UPK1B: variants seen among roughly 807,000 people sequenced by gnomAD.
The protein encoded by UPK1B is uroplakin 1B, also known as uroplakin-1b.
UPK1B carries 28 observed loss-of-function variants against 34.2 expected under a neutral mutation model. That is an observed-to-expected ratio of 0.82 (90% CI 0.61 to 1.12). The LOEUF (loss-of-function observed/expected upper bound fraction) is 1.12. Among genes scored for constraint, UPK1B ranks in the 50% most tolerant of loss-of-function variants. The pLI, the probability that UPK1B is intolerant of heterozygous loss-of-function variation, is 0.00. For synonymous variants in UPK1B, 81 were observed against 110.4 expected (o/e 0.73, Z 1.67); for missense variants, 325 against 320.9 (o/e 1.01, Z -0.10).
Position 119,190,323 on chromosome 3 carries a change from AGTACAACC to A in UPK1B, c.345+5_345+12del. The A allele has an allele frequency of 6.2e-7, 1 of 1,608,654 alleles. No individual in the cohort carries two copies. The highest frequency in any genetic ancestry group is 8.5e-7 in the Non-Finnish European group (1 of 1,175,788). On this transcript the variant is annotated splice_donor_5th_base_variant and intron_variant, in intron 4 of 7. Transcript: ENST00000264234. ...AGCAGCAACACAACAAGACTTTGTG[AGTACAACC>A]TCAAAAAGCAAAATAATATGAATTA...
At position 119,204,546 on chromosome 3, in the gene UPK1B, C is replaced by T. The variant is rs778589895; in HGVS notation, c.*579C>T. 6.5e-6 allele frequency: 1 copy of T among 152,750 alleles called. No individual in the cohort carries two copies. The highest frequency in any genetic ancestry group is 2.4e-5 in the African/African-American group (1 of 41,410). The allele number at this position is 152,750 out of a possible 1,614,324, so 9.5% of individuals were successfully genotyped here. A position where few individuals can be genotyped will look rare whatever the true frequency, so the allele number is the denominator to read the frequency against. ...CAGTGGTTCAAATTTCCTTTCATACCTTGAAGTATGTGTTTAGTAGCCTCA... is the reference window on the plus strand; with the variant it reads ...CAGTGGTTCAAATTTCCTTTCATACTTTGAAGTATGTGTTTAGTAGCCTCA... On this transcript the variant is annotated 3_prime_UTR_variant, in exon 8 of 8. Coordinates refer to ENST00000264234, the MANE Select transcript of UPK1B (RefSeq NM_006952.4).
chr3:119,189,421 G>A (rs898605537), intron 3 of UPK1B, among the ~76,000 whole-genome samples: 1 of 152,242 alleles, frequency 6.6e-6, no homozygotes, highest in Non-Finnish European at 1.5e-5. Flanking sequence ...GTGCAAGCCT[G>A]GGGAAGGCAA....
At chr3:119,184,888 C>T (rs1449320381) in intron 1 of UPK1B, among the ~76,000 whole-genome samples, 2 of 152,216 alleles carry the variant, frequency 1.3e-5, no homozygotes, top group Non-Finnish European at 2.9e-5. Context: ...CTACGTTTCA[C>T]AGTCTATTTA....
intron 6 of UPK1B, among the ~76,000 whole-genome samples, chr3:119,198,014 T>A (rs1227659978): frequency 2.0e-5 from 3 of 152,170 alleles, no homozygotes; most frequent in Admixed American, 2.0e-4. Flanking sequence ...GAGATCAGTA[T>A]GACAAAGTCA....
At chr3:119,179,611 G>A (rs1211052884) in intron 1 of UPK1B, among the ~76,000 whole-genome samples, 4 of 138,978 alleles carry the variant, frequency 2.9e-5, no homozygotes, top group East Asian at 2.3e-4. Flanking sequence ...CCGGGTTCAC[G>A]CCATTCTCCT....
intron 1 of UPK1B, among the ~76,000 whole-genome samples, chr3:119,178,130 T>G (rs1039704846): frequency 6.6e-6 from 1 of 152,202 alleles, no homozygotes; most frequent in Non-Finnish European, 1.5e-5. Context: ...GCAGGCCATT[T>G]AGAACCTGGA....
At chr3:119,184,589 G>T (rs2078008328) in intron 1 of UPK1B, among the ~76,000 whole-genome samples, 1 of 150,692 alleles carries the variant, frequency 6.6e-6, no homozygotes, top group South Asian at 2.1e-4. Context: ...AGCCAGGTGT[G>T]GCGGTGGGCA....
At chr3:119,201,524 C>T (rs1487793381) in intron 7 of UPK1B, among the ~76,000 whole-genome samples, 3 of 152,154 alleles carry the variant, frequency 2.0e-5, no homozygotes, top group Non-Finnish European at 4.4e-5. Context: ...CAGAAAAAAA[C>T]CCGGTCGCAT....
chr3:119,174,900 T>TG, intron 1 of UPK1B, among the ~76,000 whole-genome samples: 1 of 151,626 alleles, frequency 6.6e-6, no homozygotes, highest in South Asian at 2.1e-4. Context: ...CTATTTTTTT[T>TG]TTTTTTAACT....
At chr3:119,191,376 C>G (rs552297003) in intron 5 of UPK1B, among the ~76,000 whole-genome samples, 3 of 152,152 alleles carry the variant, frequency 2.0e-5, no homozygotes, top group Non-Finnish European at 4.4e-5. Flanking sequence ...TACCTCTTCA[C>G]AACTCCTGTG....
chr3:119,174,325 G>C (rs2077942636), intron 1 of UPK1B, among the ~76,000 whole-genome samples: 1 of 152,158 alleles, frequency 6.6e-6, no homozygotes, highest in African/African-American at 2.4e-5. Flanking sequence ...AGGACATAAA[G>C]ATATTTTTCA....
intron 1 of UPK1B, among the ~76,000 whole-genome samples, chr3:119,179,846 A>G (rs1236494488): frequency 2.4e-5 from 2 of 84,754 alleles, no homozygotes; most frequent in East Asian, 3.5e-4. Flanking sequence ...TTTTTTTGAG[A>G]CGAGTGCAAT....
chr3:119,186,763 G>T lies in UPK1B; in HGVS notation c.22G>T (p.Val8Phe). 1 of 1,614,128 alleles carries T rather than the reference G, an allele frequency of 6.2e-7. No individual in the cohort carries two copies. The highest frequency in any genetic ancestry group is 1.1e-5 in the South Asian group (1 of 91,072). MAKDNST[V>F]RCFQGLLIFG... ...GAAGATGGCCAAAGACAACTCAACT[G>T]TTCGTTGCTTCCAGGGCCTGCTGAT... The change falls in exon 2 of 8, where the codon GTT (valine) becomes TTT (phenylalanine). Residue 8 changes from valine (V) to phenylalanine (F), a missense_variant. Val to Phe is a conservative substitution (Grantham distance 50). Coordinates refer to ENST00000264234, the MANE Select transcript of UPK1B (RefSeq NM_006952.4).
In UPK1B at chr3:119,190,330, C is replaced by A; in HGVS notation, c.345+11C>A. The A allele has an allele frequency of 6.3e-7, 1 of 1,592,726 alleles. No individual in the cohort carries two copies. The highest frequency in any genetic ancestry group is 8.6e-7 in the Non-Finnish European group (1 of 1,162,042). ...ACACAACAAGACTTTGTGAGTACAA[C>A]CTCAAAAAGCAAAATAATATGAATT... is the stretch of plus-strand genomic sequence containing the variant. On this transcript the variant is annotated intron_variant, in intron 4 of 7. Transcript: ENST00000264234.
intron 1 of UPK1B, among the ~76,000 whole-genome samples, chr3:119,183,099 A>G (rs923260703): frequency 6.6e-6 from 1 of 152,174 alleles, no homozygotes; most frequent in African/African-American, 2.4e-5. Flanking sequence ...TCTCCACTCC[A>G]GGTGTTTCTA....
Position 119,186,817 on chromosome 3 carries a change from A to G in UPK1B, c.69+7A>G. The G allele has an allele frequency of 6.2e-7, 1 of 1,613,614 alleles. No individual in the cohort carries two copies. Among genetic ancestry groups the G allele is most frequent in the Non-Finnish European group, 8.5e-7 (1 of 1,179,620 alleles). The stretch of plus-strand genomic sequence containing the variant: ...TGGAAATGTGATTATTGGTGTAAGT[A>G]ATGATTATTTTCCAGGAAATTCTGC... On this transcript the variant is annotated splice_region_variant and intron_variant, in intron 2 of 7. Transcript: ENST00000264234.
At chr3:119,185,311 G>T (rs2078012914) in intron 1 of UPK1B, among the ~76,000 whole-genome samples, 1 of 152,160 alleles carries the variant, frequency 6.6e-6, no homozygotes, top group South Asian at 2.1e-4. Flanking sequence ...TAACAATGAG[G>T]TTAAAATTTA....
chr3:119,203,124 C>A (rs1234477392), intron 7 of UPK1B, among the ~76,000 whole-genome samples: 1 of 151,964 alleles, frequency 6.6e-6, no homozygotes, highest in African/African-American at 2.4e-5. Flanking sequence ...GGGCAAATCA[C>A]GAGGTCAGGA....
At chr3:119,192,823 G>A (rs1001627616) in intron 5 of UPK1B, among the ~76,000 whole-genome samples, 5 of 152,042 alleles carry the variant, frequency 3.3e-5, no homozygotes, top group African/African-American at 1.2e-4. Context: ...CAGCCTACAT[G>A]GACACCTTAA....
Sources: gnomAD v4.1 joint callset for allele counts (sites outside exome capture counted in the v4.1 genomes callset) on GRCh38, gnomAD v4.1.1 for gene constraint, MANE v1.5 for transcripts, NCBI Gene and HGNC (gene_info 2026-07-23, HGNC 2026-07-21) for gene names.